RORA: variants seen among roughly 807,000 people sequenced by gnomAD.
The protein encoded by RORA is RAR related orphan receptor A, also known as nuclear receptor ROR-alpha.
Under a neutral mutation model 69.5 loss-of-function variants are expected in RORA, and 7 were observed. That is an observed-to-expected ratio of 0.10 (90% CI 0.06 to 0.19). The LOEUF is 0.19. RORA is among the 10% of genes least tolerant of loss of function. The pLI, the probability that RORA is intolerant of heterozygous loss-of-function variation, is 1.00. For synonymous variants in RORA, 261 were observed against 240.8 expected (o/e 1.08, Z -0.78); for missense variants, 457 against 663.0 (o/e 0.69, Z 3.41).
chr15:60,711,029 G>T (rs934000281), intron 1 of RORA, among the ~76,000 whole-genome samples: 1 of 152,188 alleles, frequency 6.6e-6, no homozygotes, highest in African/African-American at 2.4e-5. Flanking sequence ...GCTGAGACTA[G>T]AATTCTGGGC....
chr15:60,889,737 A>T (rs1276750736), intron 1 of RORA, among the ~76,000 whole-genome samples: 2 of 152,318 alleles, frequency 1.3e-5, no homozygotes, highest in Admixed American at 1.3e-4. Flanking sequence ...CCAAAACCAG[A>T]ACAACACAGT....
intron 1 of RORA, among the ~76,000 whole-genome samples, chr15:60,829,027 A>AC (rs1363505127): frequency 6.6e-6 from 1 of 152,126 alleles, no homozygotes; most frequent in African/African-American, 2.4e-5. Flanking sequence ...AGTTTTGCAC[A>AC]CCCCATGGGT....
At chr15:60,819,769 A>ACG (rs1555455779) in intron 1 of RORA, among the ~76,000 whole-genome samples, 8 of 150,046 alleles carry the variant, frequency 5.3e-5, no homozygotes, top group Admixed American at 2.7e-4. Flanking sequence ...ACACACACAC[A>ACG]CACACACACA....
chr15:60,508,338 C>T (rs979191939), intron 5 of RORA, among the ~76,000 whole-genome samples: 2 of 152,182 alleles, frequency 1.3e-5, no homozygotes, highest in Non-Finnish European at 2.9e-5. Flanking sequence ...GGGAAGTCCT[C>T]GCTTCTGAGT....
chr15:60,819,307 G>A (rs1395058606), intron 1 of RORA, among the ~76,000 whole-genome samples: 1 of 152,170 alleles, frequency 6.6e-6, no homozygotes, highest in Non-Finnish European at 1.5e-5. Flanking sequence ...AAGAAAAGAA[G>A]AAAGATTTTT....
chr15:61,111,193 T>G (rs1351928518), intron 1 of RORA, among the ~76,000 whole-genome samples: 1 of 152,230 alleles, frequency 6.6e-6, no homozygotes, highest in Non-Finnish European at 1.5e-5. Context: ...AATAGCAGTA[T>G]GTGATTTCCA....
intron 1 of RORA, among the ~76,000 whole-genome samples, chr15:61,075,220 G>A (rs1430250904): frequency 6.6e-6 from 1 of 152,084 alleles, no homozygotes; most frequent in South Asian, 2.1e-4. Context: ...CTGTGAAAAA[G>A]TTCCCAGACA....
At chr15:60,559,132 TAA>T (rs140441501) in intron 2 of RORA, among the ~76,000 whole-genome samples, 8,914 of 152,132 alleles carry the variant, frequency 0.059, 309 homozygotes, top group East Asian at 0.12. Flanking sequence ...TAATACGAAA[TAA>T]AGAGTATTTT....
At chr15:60,871,571 A>G (rs2073556453) in intron 1 of RORA, among the ~76,000 whole-genome samples, 1 of 152,214 alleles carries the variant, frequency 6.6e-6, no homozygotes, top group Admixed American at 6.5e-5. Context: ...GGAGCCATTC[A>G]ACCTAGGAGG....
chr15:61,048,492 C>T (rs1045709044), intron 1 of RORA, among the ~76,000 whole-genome samples: 1 of 152,222 alleles, frequency 6.6e-6, no homozygotes, highest in Admixed American at 6.5e-5. Flanking sequence ...AGACTCCTGT[C>T]CCGGGGGAAC....
chr15:60,525,324 T>C (rs1295723730), intron 3 of RORA, among the ~76,000 whole-genome samples: 1 of 152,156 alleles, frequency 6.6e-6, no homozygotes, highest in African/African-American at 2.4e-5. Flanking sequence ...ACTGTGGGTG[T>C]GGCTGGGAAG....
chr15:60,549,473 A>G (rs940799153), intron 2 of RORA, among the ~76,000 whole-genome samples: 2 of 152,236 alleles, frequency 1.3e-5, no homozygotes, highest in Non-Finnish European at 2.9e-5. Context: ...AGACCAAGGT[A>G]CTAAACTTTG....
At chr15:60,705,649 G>A (rs540476044) in intron 1 of RORA, among the ~76,000 whole-genome samples, 1 of 152,146 alleles carries the variant, frequency 6.6e-6, no homozygotes, top group Non-Finnish European at 1.5e-5. Context: ...ACAAGCTTCT[G>A]AAGTTATGGT....
intron 1 of RORA, among the ~76,000 whole-genome samples, chr15:60,898,765 GC>G (rs1891302747): frequency 6.6e-6 from 1 of 152,080 alleles, no homozygotes; most frequent in Admixed American, 6.6e-5. Context: ...ATGCATTCTG[GC>G]TTTTTTGGTT....
chr15:61,026,978 G>A (rs1309383640), intron 1 of RORA, among the ~76,000 whole-genome samples: 1 of 151,156 alleles, frequency 6.6e-6, no homozygotes, highest in Non-Finnish European at 1.5e-5. Context: ...ACTGCATCAG[G>A]AGTAAGCTTA....
In RORA at chr15:60,542,528, A is replaced by G. The variant is rs556024001; in HGVS notation, c.197-10677T>C. On this transcript the variant is annotated intron_variant, in intron 2 of 10. Coordinates refer to ENST00000335670, the MANE Select transcript of RORA (RefSeq NM_134261.3). ...CACATCTCACACATGGCACACATGCACACCTCACACAGATGGCACACATGC... is the reference window on the plus strand; with the variant it reads ...CACATCTCACACATGGCACACATGCGCACCTCACACAGATGGCACACATGC... Among the ~76,000 whole-genome samples, 47 of 7,578 alleles carry G rather than the reference A, an allele frequency of 6.2e-3. 4 individuals carry two copies. Among genetic ancestry groups the G allele is most frequent in the African/African-American group, 7.7e-3 (44 of 5,680 alleles). 5.0% of individuals were successfully genotyped at this position (7,578 alleles called of 152,430 possible).
chr15:61,135,630 G>T (rs1034214576), intron 1 of RORA, among the ~76,000 whole-genome samples: 1 of 149,688 alleles, frequency 6.7e-6, no homozygotes. Context: ...AAAACCATGC[G>T]GCTACAAGAT....
intron 1 of RORA, among the ~76,000 whole-genome samples, chr15:61,011,681 C>A (rs1895092303): frequency 6.6e-6 from 1 of 152,100 alleles, no homozygotes; most frequent in Non-Finnish European, 1.5e-5. Context: ...GACTGAATTA[C>A]TCTAGGCATT....
chr15:60,515,214 A>G, intron 3 of RORA, among the ~76,000 whole-genome samples: 1 of 152,236 alleles, frequency 6.6e-6, no homozygotes, highest in Admixed American at 6.5e-5. Context: ...CTGGTGAACC[A>G]TGGTAATCTT....
Sources: gnomAD v4.1 joint callset for allele counts (sites outside exome capture counted in the v4.1 genomes callset) on GRCh38, gnomAD v4.1.1 for gene constraint, MANE v1.5 for transcripts, NCBI Gene and HGNC (gene_info 2026-07-23, HGNC 2026-07-21) for gene names.